SHISAL1: variants seen among roughly 807,000 people sequenced by gnomAD.
The protein encoded by SHISAL1 is protein shisa-like-1.
A neutral mutation model predicts 22.6 loss-of-function variants in SHISAL1; 9 were observed. The ratio of observed to expected loss-of-function variants is 0.40; its 90% CI spans 0.24 to 0.70. The LOEUF is 0.70. Ranked by LOEUF, SHISAL1 falls within the 30% of genes least tolerant of loss-of-function variation. SHISAL1 has a pLI of 0.39. For synonymous variants in SHISAL1, 119 were observed against 115.4 expected (o/e 1.03, Z -0.20); for missense variants, 246 against 270.6 (o/e 0.91, Z 0.64).
intron 4 of SHISAL1, among the ~76,000 whole-genome samples, chr22:44,255,244 TTGA>T (rs1469658065): frequency 6.6e-6 from 1 of 152,192 alleles, no homozygotes; most frequent in Non-Finnish European, 1.5e-5. Context: ...TGGAGATATG[TTGA>T]TGACTTTTGA....
chr22:44,259,276 A>G (rs1371987682), intron 4 of SHISAL1, among the ~76,000 whole-genome samples: 1 of 152,070 alleles, frequency 6.6e-6, no homozygotes, highest in South Asian at 2.1e-4. Context: ...CCGTCTACTA[A>G]AAATACAAAA....
the SHISAL1 span, among the ~76,000 whole-genome samples, chr22:44,320,462 G>A: frequency 3.3e-5 from 5 of 152,172 alleles, no homozygotes; most frequent in Admixed American, 2.0e-4. Context: ...TGGACAGTCC[G>A]CAAATAAACT....
At chr22:44,313,411 G>A (rs537941610), upstream of SHISAL1, among the ~76,000 whole-genome samples, 123 of 152,318 alleles carry the variant, frequency 8.1e-4, 1 homozygote, top group African/African-American at 2.8e-3. Context: ...GCTGGGACCC[G>A]AGAGCCCACA....
chr22:44,286,128 G>A (rs994553266), intron 3 of SHISAL1, among the ~76,000 whole-genome samples: 1 of 152,150 alleles, frequency 6.6e-6, no homozygotes, highest in Non-Finnish European at 1.5e-5. Flanking sequence ...CCTCCTTCCT[G>A]CAGGTGCCCC....
At position 44,245,310 on chromosome 22, in the gene SHISAL1, TCCTTCCTTCTTACCTA is replaced by T. The variant is rs1285391119; in HGVS notation, c.*4359_*4374del. The T allele has an allele frequency of 2.6e-5, 4 of 152,384 alleles. No homozygotes were observed. The highest frequency in any genetic ancestry group is 2.0e-4 in the Admixed American group (3 of 15,270). The allele number at this position is 152,384 out of a possible 1,614,324, so 9.4% of individuals were successfully genotyped here. On this transcript the variant is annotated 3_prime_UTR_variant, in exon 5 of 5. Transcript: ENST00000381176. ...AACTCCATCCAGGTCTGTTCTTCCTTCCTTCCTTCTTACCTACCTACCTAGACAGAGTCTCACTCTG... is the reference window on the plus strand; with the variant it reads ...AACTCCATCCAGGTCTGTTCTTCCTTCCTACCTAGACAGAGTCTCACTCTG...
chr22:44,260,716 G>C (rs923223590), intron 4 of SHISAL1, among the ~76,000 whole-genome samples: 2 of 152,208 alleles, frequency 1.3e-5, no homozygotes, highest in Non-Finnish European at 2.9e-5. Flanking sequence ...TGGCCCTTCA[G>C]GGATAAGGGT....
At chr22:44,252,367 T>C (rs2055053835) in intron 4 of SHISAL1, among the ~76,000 whole-genome samples, 1 of 152,096 alleles carries the variant, frequency 6.6e-6, no homozygotes, top group Admixed American at 6.5e-5. Context: ...AAATAAATGT[T>C]GTCTAGAGAA....
At chr22:44,280,204 G>T (rs2055266593) in intron 4 of SHISAL1, among the ~76,000 whole-genome samples, 1 of 152,212 alleles carries the variant, frequency 6.6e-6, no homozygotes, top group South Asian at 2.1e-4. Context: ...GTGTGAATCT[G>T]CAAGGGATTT....
In SHISAL1 at chr22:44,249,506, T is replaced by G; in HGVS notation, c.*179A>C. The G allele has an allele frequency of 5.5e-5, 27 of 492,198 alleles. No individual in the cohort carries two copies. Among genetic ancestry groups the G allele is most frequent in the Middle Eastern group, 4.9e-4 (1 of 2,036 alleles). The allele number at this position is 492,198 out of a possible 1,614,324, so 30.5% of individuals were successfully genotyped here. On this transcript the variant is annotated 3_prime_UTR_variant, in exon 5 of 5. Transcript: ENST00000381176. ...TGCACCCCCAGCCCCTACCCCTGAG[T>G]TTGCTCCTAATCTTAGAAGTCCGCG...
At chr22:44,250,185 T>C (rs2147265730) in intron 4 of SHISAL1, among the ~76,000 whole-genome samples, 1 of 152,362 alleles carries the variant, frequency 6.6e-6, no homozygotes, top group East Asian at 1.9e-4. Context: ...GTTGTTCCCC[T>C]TTTATCCTCA....
At chr22:44,329,361 G>C in the SHISAL1 span, among the ~76,000 whole-genome samples, 1 of 152,082 alleles carries the variant, frequency 6.6e-6, no homozygotes, top group East Asian at 1.9e-4. Flanking sequence ...AGCAGCACTG[G>C]CCCTGCCCCC....
At chr22:44,296,137 G>GTCCCTCCC (rs374068734) in intron 3 of SHISAL1, among the ~76,000 whole-genome samples, 4 of 151,644 alleles carry the variant, frequency 2.6e-5, no homozygotes, top group Middle Eastern at 3.2e-3. Context: ...AGTATTCTGT[G>GTCCCTCCC]TCCCTCCCTC....
In SHISAL1 at chr22:44,257,973, C is replaced by T. The variant is rs1485369279; in HGVS notation, c.*-8288G>A. The stretch of plus-strand genomic sequence containing the variant: ...TGACCAACATGGTGAAATCCCATCT[C>T]TACTAAAAATACAAAAATAAGCTGG... On this transcript the variant is annotated intron_variant, in intron 4 of 4. Transcript: ENST00000381176. Among the ~76,000 whole-genome samples the T allele has an allele frequency of 2.0e-5, 3 of 152,202 alleles. No homozygotes were observed. In the East Asian group the frequency reaches 5.8e-4, roughly 29 times the overall value.
chr22:44,284,897 G>GCCTGCCTGCCTGCCTTCCTTCCTA (rs570595554), intron 4 of SHISAL1, among the ~76,000 whole-genome samples: 1 of 134,504 alleles, frequency 7.4e-6, no homozygotes, highest in Admixed American at 7.3e-5. Flanking sequence ...CTGCCTTCCT[G>GCCTGCCTGCCTGCCTTCCTTCCTA]CCTTCCTTCC....
intron 4 of SHISAL1, among the ~76,000 whole-genome samples, chr22:44,270,807 C>T (rs2055200931): frequency 6.6e-6 from 1 of 152,214 alleles, no homozygotes; most frequent in African/African-American, 2.4e-5. Flanking sequence ...CTGCTTCCAC[C>T]TCCCAAGTCT....
At chr22:44,283,769 C>T (rs957057425) in intron 4 of SHISAL1, among the ~76,000 whole-genome samples, 13 of 152,210 alleles carry the variant, frequency 8.5e-5, no homozygotes, top group Non-Finnish European at 1.5e-4. Context: ...CTCTTATAGA[C>T]GTTTTCCAGT....
chr22:44,266,654 T>TG (rs1011598780), intron 4 of SHISAL1, among the ~76,000 whole-genome samples: 2 of 151,964 alleles, frequency 1.3e-5, no homozygotes, highest in Admixed American at 1.3e-4. Flanking sequence ...AGCCTCTCCC[T>TG]GGCTGTTTGA....
chr22:44,285,504 C>T lies in SHISAL1; in HGVS notation c.523G>A (p.Ala175Thr). 6.2e-7 allele frequency: 1 copy of T among 1,613,908 alleles called. No individual in the cohort carries two copies. Among genetic ancestry groups the T allele is most frequent in the Non-Finnish European group, 8.5e-7 (1 of 1,179,832 alleles). Reference protein sequence around the residue: ...PQPPPGPLPQAPQAVHTLRGD... With the variant: ...PQPPPGPLPQTPQAVHTLRGD... The stretch of plus-strand genomic sequence containing the variant: ...CGCAATGTGTGCACGGCCTGTGGGG[C>T]TTGTGGCAGCGGGCCTGGGGGAGGC... Residue 175 changes from alanine (A) to threonine (T), a missense_variant, in exon 4 of 5, where the codon GCC becomes ACC. Physicochemically the swap from Ala to Thr is moderately conservative, Grantham distance 58. This residue lies in a region of SHISAL1 where 136 missense variants were observed against 117.5 expected (regional missense o/e 1.16). Coordinates refer to ENST00000381176, the MANE Select transcript of SHISAL1 (RefSeq NM_001099294.2).
chr22:44,286,457 C>A (rs1307387348), intron 3 of SHISAL1, among the ~76,000 whole-genome samples: 1 of 152,174 alleles, frequency 6.6e-6, no homozygotes, highest in Non-Finnish European at 1.5e-5. Context: ...CGCTGTGAAG[C>A]CTGGCTCTCC....
Sources: allele counts gnomAD v4.1 joint callset (sites outside exome capture counted in the v4.1 genomes callset), GRCh38; gene constraint gnomAD v4.1.1; regional missense constraint gnomAD v4.1.1; transcripts MANE v1.5; gene names NCBI Gene and HGNC (gene_info 2026-07-23, HGNC 2026-07-21).